Variants in CTNNA3 observed in about 807,000 individuals in gnomAD.
The protein encoded by CTNNA3 is catenin alpha 3.
In CTNNA3, 76 loss-of-function variants were observed where a neutral mutation model predicts 95.7. The ratio of observed to expected loss-of-function variants is 0.79; its 90% confidence interval spans 0.66 to 0.96. The LOEUF (loss-of-function observed/expected upper bound fraction) is 0.96, where lower values mean the gene tolerates loss of function less well. Among genes scored for constraint, CTNNA3 ranks in the 40% least tolerant of loss-of-function variants. The pLI is 0.00. For missense variants in CTNNA3, 1,191 were observed against 1,089.8 expected (o/e 1.09, Z -1.31); for synonymous variants, 431 against 374.4 (o/e 1.15, Z -1.74).
At chr10:66,929,637 AT>A (rs1197791090) in intron 7 of CTNNA3, among the ~76,000 whole-genome samples, 6 of 152,192 alleles carry the variant, frequency 3.9e-5, no homozygotes, top group Non-Finnish European at 8.8e-5. Context: ...GACCAACACT[AT>A]GACAGTTCTC....
In CTNNA3 at chr10:67,648,553, C is replaced by T. The variant is rs726635; in HGVS notation, c.-5-1035G>A. 0.034 allele frequency among the ~76,000 whole-genome samples: 5,162 copies of T among 152,286 alleles called. 615 individuals are homozygous for T. The East Asian group carries it at 0.43, about 13-fold the overall frequency. On this transcript the variant is annotated intron_variant, in intron 1 of 17. Transcript: ENST00000433211. The stretch of plus-strand genomic sequence containing the variant: ...CTGTGCTTAACTCTATCACAAGCCA[C>T]TTACAGGGTGGCTACAATTCCTTTA...
At chr10:66,390,890 TA>T (rs1351421001) in intron 11 of CTNNA3, among the ~76,000 whole-genome samples, 43 of 152,278 alleles carry the variant, frequency 2.8e-4, no homozygotes, top group African/African-American at 1.0e-3. Context: ...TCTTCCTCTT[TA>T]CCTCCTAAAT....
chr10:66,422,341 A>C (rs1217520601), intron 11 of CTNNA3, among the ~76,000 whole-genome samples: 1 of 152,144 alleles, frequency 6.6e-6, no homozygotes, highest in African/African-American at 2.4e-5. Context: ...GTCTCAGTGA[A>C]TCATCAGTTT....
chr10:67,002,987 A>T (rs1851769817), intron 7 of CTNNA3, among the ~76,000 whole-genome samples: 1 of 152,184 alleles, frequency 6.6e-6, no homozygotes, highest in Non-Finnish European at 1.5e-5. Flanking sequence ...AAATACATTC[A>T]TCAGATGCAG....
chr10:67,214,357 A>G (rs1225670637), intron 6 of CTNNA3, among the ~76,000 whole-genome samples: 5 of 151,800 alleles, frequency 3.3e-5, no homozygotes, highest in Non-Finnish European at 5.9e-5. Flanking sequence ...AATGCCTAAT[A>G]TAAGTCAATA....
intron 1 of CTNNA3, among the ~76,000 whole-genome samples, chr10:67,708,377 A>C (rs972399694): frequency 6.6e-6 from 1 of 152,156 alleles, no homozygotes; most frequent in Non-Finnish European, 1.5e-5. Flanking sequence ...CAATCCCTTG[A>C]ATATATTCAT....
chr10:66,159,170 C>T (rs1198365689), intron 13 of CTNNA3, among the ~76,000 whole-genome samples: 1 of 151,948 alleles, frequency 6.6e-6, no homozygotes, highest in Non-Finnish European at 1.5e-5. Flanking sequence ...TGTCTGATTG[C>T]TTGGCTAGGA....
At chr10:67,652,616 A>G (rs59291984) in intron 1 of CTNNA3, among the ~76,000 whole-genome samples, 18,630 of 152,144 alleles carry the variant, frequency 0.12, 2,110 homozygotes, top group East Asian at 0.44. Context: ...CCCAGAGGCA[A>G]CTACTTTGGG....
intron 10 of CTNNA3, among the ~76,000 whole-genome samples, chr10:66,566,972 G>C (rs766121655): frequency 8.0e-6 from 1 of 124,506 alleles, no homozygotes; most frequent in Non-Finnish European, 1.9e-5. Flanking sequence ...AGCAGGGAGC[G>C]GGGAGAAGAG....
chr10:67,595,727 G>A (rs925696175), intron 3 of CTNNA3, among the ~76,000 whole-genome samples: 2 of 152,040 alleles, frequency 1.3e-5, no homozygotes, highest in Admixed American at 1.3e-4. Context: ...CTGTCAGTAG[G>A]GTGTTGAAGT....
At chr10:65,941,331 A>G (rs1306787841) in intron 17 of CTNNA3, among the ~76,000 whole-genome samples, 1 of 152,174 alleles carries the variant, frequency 6.6e-6, no homozygotes, top group Non-Finnish European at 1.5e-5. Context: ...CTTGAAGTCC[A>G]GGGTCTACTA....
At chr10:67,142,186 GAT>G (rs572325131) in intron 7 of CTNNA3, among the ~76,000 whole-genome samples, 76 of 152,248 alleles carry the variant, frequency 5.0e-4, no homozygotes, top group Middle Eastern at 6.8e-3. Flanking sequence ...AAAAAAAAGA[GAT>G]ATTATTGGAG....
At chr10:67,152,249 C>T (rs1450065498) in intron 7 of CTNNA3, among the ~76,000 whole-genome samples, 2 of 152,130 alleles carry the variant, frequency 1.3e-5, no homozygotes, top group Non-Finnish European at 1.5e-5. Context: ...ACTGAAAGAT[C>T]AGGTCTTCAT....
intron 7 of CTNNA3, among the ~76,000 whole-genome samples, chr10:66,934,266 T>A (rs1420003608): frequency 6.6e-6 from 1 of 152,130 alleles, no homozygotes; most frequent in East Asian, 1.9e-4. Flanking sequence ...TTCTCCATGT[T>A]TTCTTTTTAT....
At chr10:66,864,054 C>CA (rs1375530029) in intron 7 of CTNNA3, among the ~76,000 whole-genome samples, 1 of 152,004 alleles carries the variant, frequency 6.6e-6, no homozygotes, top group African/African-American at 2.4e-5. Flanking sequence ...TAAGGTTATT[C>CA]AAGTATGTGA....
Position 67,509,342 on chromosome 10 carries a change from GC to G in CTNNA3, c.579+12499del, listed in dbSNP as rs534587853. 3.4e-3 allele frequency among the ~76,000 whole-genome samples: 518 copies of G among 151,940 alleles called. 4 individuals carry two copies. Among genetic ancestry groups the G allele is most frequent in the South Asian group, 0.014 (65 of 4,800 alleles). ...TTCTCCTAATGCTATCCCTCCCCCAGCCCTCCACCCACCGACAGGCCTCGGT... is the reference window on the plus strand; with the variant it reads ...TTCTCCTAATGCTATCCCTCCCCCAGCCTCCACCCACCGACAGGCCTCGGT... On this transcript the variant is annotated intron_variant, in intron 5 of 17. Coordinates refer to ENST00000433211, the MANE Select transcript of CTNNA3 (RefSeq NM_013266.4).
chr10:67,730,690 A>T (rs981602696), intron 1 of CTNNA3, among the ~76,000 whole-genome samples: 2 of 152,146 alleles, frequency 1.3e-5, no homozygotes, highest in South Asian at 2.1e-4. Context: ...AGAGGGAGAA[A>T]GAAAAAGATA....
intron 11 of CTNNA3, among the ~76,000 whole-genome samples, chr10:66,509,984 T>G (rs1015049264): frequency 6.6e-6 from 1 of 151,932 alleles, no homozygotes; most frequent in Non-Finnish European, 1.5e-5. Context: ...TAGACTGCCT[T>G]GGGTGAAATG....
chr10:66,769,047 GAT>G, intron 8 of CTNNA3, among the ~76,000 whole-genome samples: 1 of 152,122 alleles, frequency 6.6e-6, no homozygotes, highest in East Asian at 1.9e-4. Context: ...ACTACTCTGA[GAT>G]ATATGTTTAA....
Sources: allele counts gnomAD v4.1 joint callset (sites outside exome capture counted in the v4.1 genomes callset), GRCh38; gene constraint gnomAD v4.1.1; transcripts MANE v1.5; gene names NCBI Gene and HGNC (gene_info 2026-07-23, HGNC 2026-07-21).